KCNIP4: variants seen among roughly 807,000 people sequenced by gnomAD.
KCNIP4 encodes the protein potassium voltage-gated channel interacting protein 4, also known as Kv channel-interacting protein 4.
In KCNIP4, 12 loss-of-function variants were observed where a neutral mutation model predicts 34.0. The ratio of observed to expected loss-of-function variants is 0.35; its 90% CI spans 0.23 to 0.57. KCNIP4 has a LOEUF of 0.57. Among genes scored for constraint, KCNIP4 ranks in the 20% least tolerant of loss-of-function variants. KCNIP4 has a pLI of 0.83. For missense variants in KCNIP4, 238 were observed against 311.7 expected (o/e 0.76, Z 1.78); for synonymous variants, 124 against 102.2 (o/e 1.21, Z -1.29).
intron 1 of KCNIP4, among the ~76,000 whole-genome samples, chr4:20,911,359 T>G (rs1051135093): frequency 6.6e-6 from 1 of 152,184 alleles, no homozygotes; most frequent in African/African-American, 2.4e-5. Context: ...GTTTTCATGG[T>G]TCATTATTTA....
At position 20,967,816 on chromosome 4, in the gene KCNIP4, C is replaced by A. The variant is rs568383336; in HGVS notation, c.62-85107G>T. Among the ~76,000 whole-genome samples, 243 of 152,266 alleles carry A rather than the reference C, an allele frequency of 1.6e-3. 1 individual carries two copies. Among genetic ancestry groups the A allele is most frequent in the African/African-American group, 5.5e-3 (230 of 41,560 alleles). On this transcript the variant is annotated intron_variant, in intron 1 of 8. Transcript: ENST00000382152. Reference sequence around the variant, plus strand: ...AAAGACTTAAATGTAAGACCTAAAACCGTAAAAAACCTAGAAGAAAACCTA... The same window carrying A: ...AAAGACTTAAATGTAAGACCTAAAAACGTAAAAAACCTAGAAGAAAACCTA...
intron 1 of KCNIP4, among the ~76,000 whole-genome samples, chr4:21,926,683 A>T (rs891862867): frequency 2.0e-5 from 3 of 152,142 alleles, no homozygotes; most frequent in African/African-American, 7.2e-5. Flanking sequence ...GGTTGATCCC[A>T]CCTCTCTCTA....
chr4:21,152,132 A>T (rs1229358727), intron 1 of KCNIP4, among the ~76,000 whole-genome samples: 1 of 152,056 alleles, frequency 6.6e-6, no homozygotes, highest in Non-Finnish European at 1.5e-5. Flanking sequence ...ACATGCCTGT[A>T]ATCCCAGCTA....
At position 21,586,245 on chromosome 4, in the gene KCNIP4, G is replaced by A. The variant is rs376612726; in HGVS notation, c.61+362326C>T. Among the ~76,000 whole-genome samples the A allele has an allele frequency of 7.0e-4, 107 of 152,162 alleles. 2 individuals carry two copies. In the East Asian group the frequency reaches 0.02, roughly 29 times the overall value. On this transcript the variant is annotated intron_variant, in intron 1 of 8. Coordinates refer to ENST00000382152, the MANE Select transcript of KCNIP4 (RefSeq NM_025221.6). ...TACACTTAATTATATATTTATTTAA[G>A]TGTGTATTCATTTTTAAATTATATG...
At chr4:21,023,194 T>A (rs543369759) in intron 1 of KCNIP4, among the ~76,000 whole-genome samples, 1 of 152,280 alleles carries the variant, frequency 6.6e-6, no homozygotes, top group South Asian at 2.1e-4. Context: ...TAGTAGTCAT[T>A]ATAAATATAG....
chr4:21,560,739 C>T (rs1739436871), intron 1 of KCNIP4, among the ~76,000 whole-genome samples: 1 of 151,974 alleles, frequency 6.6e-6, no homozygotes, highest in Non-Finnish European at 1.5e-5. Context: ...TGCTGATTGA[C>T]TTGATTCCCT....
At chr4:21,911,604 TCACACACA>T (rs149500330) in intron 1 of KCNIP4, among the ~76,000 whole-genome samples, 23,554 of 129,464 alleles carry the variant, frequency 0.18, 2,219 homozygotes, top group South Asian at 0.23. Flanking sequence ...GAATTGATAT[TCACACACA>T]CACACACACA....
At chr4:21,714,884 ATTT>A (rs1181645846) in intron 1 of KCNIP4, among the ~76,000 whole-genome samples, 2 of 360 alleles carry the variant, frequency 5.6e-3, no homozygotes, top group Admixed American at 0.056. Context: ...ATTTTATTTT[ATTT>A]TATTTTATTT....
chr4:21,177,877 TAAA>T (rs1553949762), intron 1 of KCNIP4, among the ~76,000 whole-genome samples: 3 of 146,322 alleles, frequency 2.1e-5, no homozygotes, highest in African/African-American at 7.7e-5. Context: ...TATATATATA[TAAA>T]ATATAACATT....
intron 1 of KCNIP4, among the ~76,000 whole-genome samples, chr4:21,528,780 GAA>G (rs1560490243): frequency 9.3e-5 from 1 of 10,722 alleles, no homozygotes; most frequent in Non-Finnish European, 1.8e-4. Flanking sequence ...AGAAAGAAAG[GAA>G]GAAAGGAAGA....
intron 1 of KCNIP4, among the ~76,000 whole-genome samples, chr4:21,449,648 A>G (rs927702085): frequency 9.3e-5 from 14 of 150,948 alleles, no homozygotes; most frequent in Admixed American, 3.3e-4. Context: ...ATATATATAT[A>G]TATACTACTT....
At chr4:21,895,759 G>A (rs1028054705) in intron 1 of KCNIP4, among the ~76,000 whole-genome samples, 1 of 152,194 alleles carries the variant, frequency 6.6e-6, no homozygotes, top group African/African-American at 2.4e-5. Context: ...TAATTAGAAA[G>A]TGGCCCATAG....
At chr4:20,858,690 C>T (rs1023289853) in intron 2 of KCNIP4, among the ~76,000 whole-genome samples, 5 of 152,276 alleles carry the variant, frequency 3.3e-5, no homozygotes, top group African/African-American at 9.6e-5. Context: ...TCTCCAGCAG[C>T]CCAAAGTCCA....
At chr4:20,960,360 T>C (rs558738636) in intron 1 of KCNIP4, among the ~76,000 whole-genome samples, 1 of 152,322 alleles carries the variant, frequency 6.6e-6, no homozygotes, top group East Asian at 1.9e-4. Context: ...AATGACTTTC[T>C]TCAGAAGCAT....
chr4:21,026,549 G>C (rs1740574882), intron 1 of KCNIP4, among the ~76,000 whole-genome samples: 1 of 152,134 alleles, frequency 6.6e-6, no homozygotes, highest in Non-Finnish European at 1.5e-5. Flanking sequence ...AACTACTCAG[G>C]AGGCTGAGGT....
At chr4:20,748,880 G>A (rs1490614747) in intron 5 of KCNIP4, among the ~76,000 whole-genome samples, 34 of 97,954 alleles carry the variant, frequency 3.5e-4, no homozygotes, top group South Asian at 1.0e-3. Flanking sequence ...GTGTGTGTGT[G>A]TATGTGTGTG....
chr4:20,949,635 T>G (rs1577417970), intron 1 of KCNIP4, among the ~76,000 whole-genome samples: 2 of 151,866 alleles, frequency 1.3e-5, no homozygotes, highest in Non-Finnish European at 1.5e-5. Flanking sequence ...TAGACTGGAT[T>G]AAGAAAATGT....
At chr4:21,507,042 C>T (rs1230499388) in intron 1 of KCNIP4, among the ~76,000 whole-genome samples, 2 of 152,004 alleles carry the variant, frequency 1.3e-5, no homozygotes, top group Non-Finnish European at 1.5e-5. Flanking sequence ...CCTGTCTCGG[C>T]CTCCCAAAGT....
At chr4:20,876,730 G>A (rs542728312) in intron 2 of KCNIP4, among the ~76,000 whole-genome samples, 2 of 152,072 alleles carry the variant, frequency 1.3e-5, no homozygotes, top group East Asian at 1.9e-4. Context: ...GTGCCACCAC[G>A]CCCAGCTAAT....
Sources: gnomAD v4.1 joint callset for allele counts (sites outside exome capture counted in the v4.1 genomes callset) on GRCh38, gnomAD v4.1.1 for gene constraint, MANE v1.5 for transcripts, NCBI Gene and HGNC (gene_info 2026-07-23, HGNC 2026-07-21) for gene names.